The following COX10 variants were observed in gnomAD, a reference collection of about 807,000 sequenced individuals.
The protein encoded by COX10 is cytochrome c oxidase assembly factor heme A:farnesyltransferase COX10, also known as protoheme IX farnesyltransferase, mitochondrial.
A neutral mutation model predicts 37.3 loss-of-function variants in COX10; 27 were observed. The ratio of observed to expected loss-of-function variants is 0.72; its 90% confidence interval spans 0.53 to 1.00. The LOEUF is 1.00. Among genes scored for constraint, COX10 ranks in the 50% least tolerant of loss-of-function variants. COX10 has a pLI of 0.00. For missense variants in COX10, 475 were observed against 563.2 expected (o/e 0.84, Z 1.59); for synonymous variants, 222 against 229.1 (o/e 0.97, Z 0.28).
At chr17:14,134,105 T>C (rs1916526018) in intron 4 of COX10, among the ~76,000 whole-genome samples, 1 of 151,692 alleles carries the variant, frequency 6.6e-6, no homozygotes, top group Non-Finnish European at 1.5e-5. Context: ...TACTTATACT[T>C]TAAAGGCTTC....
intron 5 of COX10, among the ~76,000 whole-genome samples, chr17:14,172,858 T>G (rs1411406026): frequency 2.6e-5 from 4 of 152,136 alleles, no homozygotes; most frequent in African/African-American, 9.7e-5. Flanking sequence ...CAGCTAATTT[T>G]GTTTTTAATT....
At chr17:14,203,699 T>C (rs1906613676) in intron 6 of COX10, among the ~76,000 whole-genome samples, 2 of 152,244 alleles carry the variant, frequency 1.3e-5, no homozygotes, top group African/African-American at 4.8e-5. Flanking sequence ...CAGTGGCTTA[T>C]AGCCCCAGAC....
At chr17:14,152,188 T>C (rs1323309647) in intron 4 of COX10, among the ~76,000 whole-genome samples, 4 of 152,182 alleles carry the variant, frequency 2.6e-5, no homozygotes, top group African/African-American at 9.7e-5. Context: ...TCCGTTTTCA[T>C]GCTGCTGATA....
chr17:14,185,108 G>A (rs1162073650), intron 5 of COX10, among the ~76,000 whole-genome samples: 1 of 151,436 alleles, frequency 6.6e-6, no homozygotes, highest in Non-Finnish European at 1.5e-5. Context: ...AACTGCTAAG[G>A]AATTTAAATG....
At chr17:14,080,455 C>T (rs951092725) in intron 3 of COX10, among the ~76,000 whole-genome samples, 3 of 152,048 alleles carry the variant, frequency 2.0e-5, no homozygotes, top group Non-Finnish European at 4.4e-5. Context: ...CCTCGTGATC[C>T]ACCCGCCTCG....
intron 5 of COX10, among the ~76,000 whole-genome samples, chr17:14,185,378 A>G (rs1905994438): frequency 6.7e-6 from 1 of 148,178 alleles, no homozygotes; most frequent in Admixed American, 6.8e-5. Flanking sequence ...AGTCTTTGAC[A>G]TAATAGTGTT....
chr17:14,151,962 A>G (rs1414131614), intron 4 of COX10, among the ~76,000 whole-genome samples: 5 of 152,188 alleles, frequency 3.3e-5, no homozygotes, highest in African/African-American at 9.6e-5. Context: ...TTGAGTGCCT[A>G]TTTGCATGTT....
chr17:14,195,540 G>T (rs528051512), intron 6 of COX10, among the ~76,000 whole-genome samples: 3 of 152,300 alleles, frequency 2.0e-5, no homozygotes, highest in Non-Finnish European at 4.4e-5. Context: ...ATTGCAGAAT[G>T]TTCACTTAGA....
intron 3 of COX10, among the ~76,000 whole-genome samples, chr17:14,081,058 C>T (rs1393248025): frequency 6.6e-6 from 1 of 152,160 alleles, no homozygotes; most frequent in East Asian, 1.9e-4. Flanking sequence ...GCAAGGATCA[C>T]CTGTTTTTGT....
At chr17:14,106,046 T>C (rs766013930) in intron 4 of COX10, among the ~76,000 whole-genome samples, 20 of 151,988 alleles carry the variant, frequency 1.3e-4, no homozygotes, top group Non-Finnish European at 2.2e-4. Flanking sequence ...AGGGTTTCGC[T>C]CTTGTCACTC....
At position 14,207,073 on chromosome 17, in the gene COX10, C is replaced by T. The variant is rs368724576; in HGVS notation, c.1192C>T (p.Arg398Cys). Reference protein sequence around the residue: ...INAYISYLGFRFYVDADRRSS... With the variant: ...INAYISYLGFCFYVDADRRSS... ...TGCGTACATCTCCTACCTCGGCTTCCGCTTCTACGTGGACGCAGACCGCAG... is the reference window on the plus strand; with the variant it reads ...TGCGTACATCTCCTACCTCGGCTTCTGCTTCTACGTGGACGCAGACCGCAG... Residue 398 changes from arginine (R) to cysteine (C), a missense_variant, in exon 7 of 7, where the codon CGC becomes TGC. This residue lies in a region of COX10 where 160 missense variants were observed against 180.6 expected (regional missense o/e 0.89). Coordinates refer to ENST00000261643, the MANE Select transcript of COX10 (RefSeq NM_001303.4). 137 of 1,613,968 alleles carry T rather than the reference C, an allele frequency of 8.5e-5. No individual in the cohort carries two copies. Among genetic ancestry groups the T allele is most frequent in the African/African-American group, 1.1e-4 (8 of 74,946 alleles).
chr17:14,094,136 G>A (rs1213000681), intron 3 of COX10, among the ~76,000 whole-genome samples: 2 of 152,142 alleles, frequency 1.3e-5, no homozygotes, highest in Non-Finnish European at 2.9e-5. Context: ...TTTACTACCA[G>A]TAATTTGCAC....
At chr17:14,123,066 CTTTACAG>C (rs1341524125) in intron 4 of COX10, among the ~76,000 whole-genome samples, 1 of 152,170 alleles carries the variant, frequency 6.6e-6, no homozygotes, top group Non-Finnish European at 1.5e-5. Context: ...TTTTAGAGCA[CTTTACAG>C]TTTACAGTGC....
intron 6 of COX10, among the ~76,000 whole-genome samples, chr17:14,196,798 C>A (rs555963543): frequency 1.3e-5 from 2 of 152,320 alleles, no homozygotes; most frequent in African/African-American, 4.8e-5. Context: ...CTCCCACACT[C>A]TCTTTGCCCT....
In COX10 at chr17:14,069,586, C is replaced by G; in HGVS notation, c.-20C>G. On this transcript the variant is annotated 5_prime_UTR_variant, in exon 1 of 7. Coordinates refer to ENST00000261643, the MANE Select transcript of COX10 (RefSeq NM_001303.4). ...GAGAGGACACAGGGATCCCGGGGAG[C>G]GGCCCCAGACTCGTAAATTATGGCC... 6.2e-7 allele frequency: 1 copy of G among 1,613,728 alleles called. No individual in the cohort carries two copies. Among genetic ancestry groups the G allele is most frequent in the Non-Finnish European group, 8.5e-7 (1 of 1,179,874 alleles).
At chr17:14,122,586 T>C (rs556550837) in intron 4 of COX10, among the ~76,000 whole-genome samples, 1 of 152,246 alleles carries the variant, frequency 6.6e-6, no homozygotes, top group East Asian at 1.9e-4. Flanking sequence ...GCCTGAAGTC[T>C]TGGTTGGTGG....
At chr17:14,191,720 A>G (rs1258109478) in intron 5 of COX10, among the ~76,000 whole-genome samples, 4 of 152,228 alleles carry the variant, frequency 2.6e-5, no homozygotes, top group African/African-American at 9.6e-5. Context: ...CAGAACCTAT[A>G]TGAATCCAGA....
At chr17:14,186,720 A>G (rs202169538) in intron 5 of COX10, among the ~76,000 whole-genome samples, 848 of 144,752 alleles carry the variant, frequency 5.9e-3, no homozygotes, top group Middle Eastern at 7.4e-3. Flanking sequence ...TTAAGCCCAC[A>G]GGAAGCTCCT....
At chr17:14,107,239 A>T (rs565357089) in intron 4 of COX10, among the ~76,000 whole-genome samples, 51 of 151,196 alleles carry the variant, frequency 3.4e-4, no homozygotes, top group African/African-American at 1.2e-3. Flanking sequence ...TTTTTCTGAG[A>T]TCTTTGCCCA....
Sources: gnomAD v4.1 joint callset for allele counts (sites outside exome capture counted in the v4.1 genomes callset) on GRCh38, gnomAD v4.1.1 for gene constraint, gnomAD v4.1.1 regional missense constraint, MANE v1.5 for transcripts, NCBI Gene and HGNC (gene_info 2026-07-23, HGNC 2026-07-21) for gene names.